The following SLC66A1 variants were observed in gnomAD, a reference collection of about 807,000 sequenced individuals.
The protein encoded by SLC66A1 is solute carrier family 66 member 1.
A neutral mutation model predicts 33.0 loss-of-function variants in SLC66A1; 23 were observed. That is an observed-to-expected ratio of 0.70 (90% CI 0.50 to 0.99). SLC66A1 has a LOEUF of 0.99. Ranked by LOEUF, SLC66A1 falls within the 50% of genes least tolerant of loss-of-function variation. The pLI, the probability that SLC66A1 is intolerant of heterozygous loss-of-function variation, is 0.00. For synonymous variants in SLC66A1, 164 were observed against 175.5 expected (o/e 0.93, Z 0.52); for missense variants, 335 against 383.6 (o/e 0.87, Z 1.06).
downstream of SLC66A1, among the ~76,000 whole-genome samples, chr1:19,330,187 GCA>G (rs2152019749): frequency 6.6e-6 from 1 of 152,228 alleles, no homozygotes; most frequent in East Asian, 1.9e-4. Flanking sequence ...GGTGCCTGGA[GCA>G]CAGAGACGCC....
chr1:19,331,876 C>T (rs957291024), downstream of SLC66A1, among the ~76,000 whole-genome samples: 1 of 152,194 alleles, frequency 6.6e-6, no homozygotes, highest in African/African-American at 2.4e-5. Context: ...TGACATAATC[C>T]CTTCCTCCTG....
At chr1:19,324,260 G>A (rs2093851715) in intron 2 of SLC66A1, among the ~76,000 whole-genome samples, 1 of 152,234 alleles carries the variant, frequency 6.6e-6, no homozygotes, top group Non-Finnish European at 1.5e-5. Context: ...GCATCCACAG[G>A]AGAAAGGATC....
intron 4 of SLC66A1, 56 bp downstream of exon 4, chr1:19,325,638 TG>T (rs1294675966): frequency 3.6e-6 from 3 of 825,134 alleles, no homozygotes; most frequent in Non-Finnish European, 3.8e-6. Flanking sequence ...GGGGCAGTTG[TG>T]GGGGGGGGCG....
chr1:19,315,131 G>A (rs2093798354), intron 1 of SLC66A1, among the ~76,000 whole-genome samples: 1 of 152,146 alleles, frequency 6.6e-6, no homozygotes, highest in Non-Finnish European at 1.5e-5. Flanking sequence ...CTGTTCTCCA[G>A]CTCCTGAGCT....
chr1:19,331,435 G>A (rs1323175390), downstream of SLC66A1, among the ~76,000 whole-genome samples: 1 of 152,176 alleles, frequency 6.6e-6, no homozygotes, highest in African/African-American at 2.4e-5. Context: ...CCCCACACCT[G>A]GCCAACGCTG....
Position 19,326,642 on chromosome 1 carries a change from C to T in SLC66A1, c.618+19C>T, listed in dbSNP as rs1399953647. On this transcript the variant is annotated intron_variant, in intron 6 of 7. Transcript: ENST00000375153. ...CACCAACGTGAGCCTCCAGCAGGGG[C>T]TGGGTGGGGCCGAGTAGAGGAGAGC... is the stretch of plus-strand genomic sequence containing the variant. 5 of 1,612,230 alleles carry T rather than the reference C, an allele frequency of 3.1e-6. No individual in the cohort carries two copies. The East Asian group carries it at 8.9e-5, about 29-fold the overall frequency.
intron 2 of SLC66A1, among the ~76,000 whole-genome samples, chr1:19,319,497 C>T (rs1286336307): frequency 6.6e-6 from 1 of 151,924 alleles, no homozygotes; most frequent in Admixed American, 6.6e-5. Context: ...TGGCCGAATA[C>T]TGTTTTACTC....
rs77915465 is a variant in SLC66A1, at chr1:19,326,378, G to A, written c.516G>A (p.Ser172=). 0.042 allele frequency: 66,834 copies of A among 1,606,542 alleles called. 1,578 individuals carry two copies. Among genetic ancestry groups the A allele is most frequent in the African/African-American group, 0.063 (4,703 of 75,012 alleles). The change falls in exon 5 of 8, where the codon TCG becomes TCA. Residue 172 remains serine, a synonymous_variant. Coordinates refer to ENST00000375153, the MANE Select transcript of SLC66A1 (RefSeq NM_001040125.2). ...FRGRALLSVE[S]GSKPFTRQEV... is the part of the protein sequence containing the mutation. ...GGCGGGCGCTCCTGTCCGTGGAGTCGGGCAGCAAGGTGAGGCGTGGGCGTG... is the reference window on the plus strand; with the variant it reads ...GGCGGGCGCTCCTGTCCGTGGAGTCAGGCAGCAAGGTGAGGCGTGGGCGTG...
chr1:19,327,890 T>C (rs577050830), intron 7 of SLC66A1: 34 of 293,418 alleles, frequency 1.2e-4, no homozygotes, highest in Non-Finnish European at 1.9e-4. Context: ...AGAGCTGGAG[T>C]GTGGAGAGAC....
rs2093883870 is a variant in SLC66A1 at position 19,328,873 on chromosome 1, C to T, written c.*230C>T. On this transcript the variant is annotated 3_prime_UTR_variant, in exon 8 of 8. Transcript: ENST00000375153. The surrounding 1 kb of genome is among the most constrained non-coding windows in gnomAD (Gnocchi z 4.7). ...CCTCTCAGGAGACAGTGAGGCTGCC[C>T]CTCCTACCACCTACCTCATTCTGCC... is the stretch of plus-strand genomic sequence containing the variant. 1 of 586,148 alleles carries T rather than the reference C, an allele frequency of 1.7e-6. No homozygotes were observed. Among genetic ancestry groups the T allele is most frequent in the South Asian group, 2.0e-5 (1 of 49,694 alleles). The allele number at this position is 586,148 out of a possible 1,614,324, so 36.3% of individuals were successfully genotyped here. A position where few individuals can be genotyped will look rare whatever the true frequency, so the allele number is the denominator to read the frequency against.
intron 7 of SLC66A1, 142 bp downstream of exon 7, chr1:19,327,554 T>TCCCC: frequency 1.2e-6 from 1 of 839,328 alleles, no homozygotes; most frequent in Admixed American, 3.7e-5. Flanking sequence ...CCTCCCTCCC[T>TCCCC]CCATCTGTTC....
chr1:19,325,631 GC>G, intron 4 of SLC66A1, 49 bp downstream of exon 4: 3 of 1,063,682 alleles, frequency 2.8e-6, no homozygotes, highest in Non-Finnish European at 2.8e-6. Flanking sequence ...GCAGCAGGGG[GC>G]AGTTGTGGGG....
rs867300733 is a variant in SLC66A1, at chr1:19,328,641, T to C, written c.874T>C (p.Ter292ArgextTer5). ...ASELEPLLPS[*>R] ...GGAGCTTGAGCCCCTCCTCCCCAGC[T>C]GACCAGAACCAGGCTGAGCGCAGGA... Residue 292 changes from the stop codon to arginine (R), a stop_lost, in exon 8 of 8, where the codon TGA becomes CGA. Transcript: ENST00000375153. The surrounding 1 kb of genome is among the most constrained non-coding windows in gnomAD (Gnocchi z 4.7). 4 of 1,613,702 alleles carry C rather than the reference T, an allele frequency of 2.5e-6. No homozygotes were observed. The highest frequency in any genetic ancestry group is 3.4e-6 in the Non-Finnish European group (4 of 1,179,898).
chr1:19,332,289 CG>C (rs1214016122), downstream of SLC66A1, among the ~76,000 whole-genome samples: 2 of 152,188 alleles, frequency 1.3e-5, no homozygotes, highest in Middle Eastern at 3.2e-3. Flanking sequence ...TGTCCGAAGC[CG>C]TTTCTTCATC....
rs372480717 is a variant in SLC66A1 at position 19,317,663 on chromosome 1, C to A, written c.-15C>A. 16 of 1,613,204 alleles carry A rather than the reference C, an allele frequency of 9.9e-6. No homozygotes were observed. Among genetic ancestry groups the A allele is most frequent in the African/African-American group, 1.3e-5 (1 of 74,954 alleles). On this transcript the variant is annotated 5_prime_UTR_variant, in exon 2 of 8. Transcript: ENST00000375153. The stretch of plus-strand genomic sequence containing the variant: ...GGTGCAGCCCTGCCTGGCCGGGGGC[C>A]CCTCCTCCACAGCCATGGTCTGGAA...
At chr1:19,333,527 A>C (rs2093897575), downstream of SLC66A1, among the ~76,000 whole-genome samples, 1 of 152,152 alleles carries the variant, frequency 6.6e-6, no homozygotes. The surrounding 1 kb of genome is among the most constrained non-coding windows in gnomAD (Gnocchi z 4.2). Flanking sequence ...GGAGAAAGCC[A>C]CAACCTTCAC....
chr1:19,317,600 A>T lies in SLC66A1; in HGVS notation c.-78A>T. 6.4e-7 allele frequency: 1 copy of T among 1,565,910 alleles called. No individual in the cohort carries two copies. The highest frequency in any genetic ancestry group is 8.6e-7 in the Non-Finnish European group (1 of 1,157,246). On this transcript the variant is annotated splice_region_variant and 5_prime_UTR_variant, in exon 2 of 8. Coordinates refer to ENST00000375153, the MANE Select transcript of SLC66A1 (RefSeq NM_001040125.2). The stretch of plus-strand genomic sequence containing the variant: ...AAGCCTCCTCCCTTCCTCCCTGTAG[A>T]ACCCTTGCTGGCCTCAGAACACCAG...
At chr1:19,323,695 A>G (rs951293506) in intron 2 of SLC66A1, among the ~76,000 whole-genome samples, 2 of 88,854 alleles carry the variant, frequency 2.3e-5, no homozygotes, top group Non-Finnish European at 5.8e-5. Flanking sequence ...GTGTGAGCCA[A>G]CCGTGTCTGG....
intron 4 of SLC66A1, 74 bp downstream of exon 4, chr1:19,325,656 G>A: frequency 7.9e-7 from 1 of 1,268,548 alleles, no homozygotes; most frequent in South Asian, 1.3e-5. Context: ...GGCGCCTGGA[G>A]TGTGGGAGGA....
Sources: gnomAD v4.1 joint callset for allele counts (sites outside exome capture counted in the v4.1 genomes callset) on GRCh38, gnomAD v4.1.1 for gene constraint, Gnocchi (gnomAD v3.1) non-coding constraint, MANE v1.5 for transcripts, NCBI Gene and HGNC (gene_info 2026-07-23, HGNC 2026-07-21) for gene names.